Variants in RPSA2 observed in about 807,000 individuals in gnomAD.
RPSA2 encodes the protein small ribosomal subunit protein uS2B.
chr19:23,793,360 A>G, the RPSA2 span, among the ~76,000 whole-genome samples: 147,159 of 150,434 alleles, frequency 0.98, 72,069 homozygotes, highest in Middle Eastern at 1. Context: ...TTTTGGGGTT[A>G]TATCTTTTTT....
At chr19:23,854,744 C>T in the RPSA2 span, among the ~76,000 whole-genome samples, 1 of 152,192 alleles carries the variant, frequency 6.6e-6, no homozygotes, top group African/African-American at 2.4e-5. Flanking sequence ...GCAATTATAG[C>T]AGGCTCCAAG....
At chr19:23,778,590 A>G in the RPSA2 span, among the ~76,000 whole-genome samples, 1 of 152,006 alleles carries the variant, frequency 6.6e-6, no homozygotes, top group African/African-American at 2.4e-5. Flanking sequence ...AGATGTTATG[A>G]CTTTCCTCTC....
At chr19:23,786,417 C>T in the RPSA2 span, among the ~76,000 whole-genome samples, 1 of 152,124 alleles carries the variant, frequency 6.6e-6, no homozygotes, top group African/African-American at 2.4e-5. Context: ...ATCACTGGAT[C>T]CAGCACCTCG....
At chr19:23,813,044 A>T in the RPSA2 span, among the ~76,000 whole-genome samples, 2 of 152,022 alleles carry the variant, frequency 1.3e-5, no homozygotes, top group African/African-American at 2.4e-5. Context: ...GCCTGGGCAA[A>T]ATGTGGAGAC....
the RPSA2 span, among the ~76,000 whole-genome samples, chr19:23,864,179 C>A: frequency 6.6e-6 from 1 of 152,178 alleles, no homozygotes; most frequent in Non-Finnish European, 1.5e-5. Flanking sequence ...TGGCTTTGGG[C>A]ATGCAAAGAA....
chr19:23,821,933 C>T, the RPSA2 span, among the ~76,000 whole-genome samples: 22 of 152,180 alleles, frequency 1.4e-4, no homozygotes, highest in East Asian at 9.7e-4. Flanking sequence ...AGTTAATGTA[C>T]ACCTCGGTGG....
the RPSA2 span, among the ~76,000 whole-genome samples, chr19:23,838,468 T>C: frequency 6.6e-6 from 1 of 152,160 alleles, no homozygotes; most frequent in Non-Finnish European, 1.5e-5. Flanking sequence ...TAGGGAGAGT[T>C]CTTTATCTAG....
chr19:23,784,865 C>A, the RPSA2 span, among the ~76,000 whole-genome samples: 2 of 152,176 alleles, frequency 1.3e-5, no homozygotes, highest in African/African-American at 4.8e-5. Flanking sequence ...CACTGACGGT[C>A]TGCAGAAGAA....
the RPSA2 span, among the ~76,000 whole-genome samples, chr19:23,850,764 T>TGGCTTTCAGCTGC: frequency 2.2e-4 from 33 of 152,116 alleles, no homozygotes; most frequent in Admixed American, 2.0e-3. Context: ...GCCTGTATAA[T>TGGCTTTCAGCTGC]GGCTTTCAGC....
At chr19:23,839,716 C>A in the RPSA2 span, among the ~76,000 whole-genome samples, 2 of 152,184 alleles carry the variant, frequency 1.3e-5, no homozygotes, top group African/African-American at 4.8e-5. Context: ...CCTCCTCCCT[C>A]TCCCATGGAT....
At chr19:23,844,038 T>A in the RPSA2 span, among the ~76,000 whole-genome samples, 3 of 152,158 alleles carry the variant, frequency 2.0e-5, no homozygotes. Context: ...GAATTACAGG[T>A]GTGAACCACC....
chr19:23,830,051 G>GT, the RPSA2 span, among the ~76,000 whole-genome samples: 81,480 of 148,172 alleles, frequency 0.55, 22,848 homozygotes, highest in East Asian at 0.78. Flanking sequence ...ACTTTGGAAG[G>GT]TTTTTTTTTT....
chr19:23,806,289 C>T, the RPSA2 span, among the ~76,000 whole-genome samples: 2 of 151,834 alleles, frequency 1.3e-5, no homozygotes, highest in South Asian at 2.1e-4. Context: ...ATGATCCACC[C>T]GCCTCAGCCT....
At chr19:23,825,258 C>T in the RPSA2 span, among the ~76,000 whole-genome samples, 1 of 152,128 alleles carries the variant, frequency 6.6e-6, no homozygotes, top group South Asian at 2.1e-4. Flanking sequence ...ATAAGTTTTA[C>T]ATTCCATGTT....
the RPSA2 span, among the ~76,000 whole-genome samples, chr19:23,810,359 A>C: frequency 2.4e-5 from 3 of 124,724 alleles, no homozygotes; most frequent in African/African-American, 9.3e-5. Flanking sequence ...GTGCCACTGC[A>C]CTCCAGCCTG....
chr19:23,759,984 G>A, the RPSA2 span, among the ~76,000 whole-genome samples: 1 of 152,118 alleles, frequency 6.6e-6, no homozygotes, highest in South Asian at 2.1e-4. Flanking sequence ...TAGTTACAGA[G>A]GACGACAGTT....
At chr19:23,865,722 G>T in the RPSA2 span, among the ~76,000 whole-genome samples, 1 of 152,138 alleles carries the variant, frequency 6.6e-6, no homozygotes, top group Non-Finnish European at 1.5e-5. Context: ...GCATGCTGCT[G>T]CTATGGCAAG....
the RPSA2 span, among the ~76,000 whole-genome samples, chr19:23,796,532 A>C: frequency 6.6e-6 from 1 of 152,074 alleles, no homozygotes; most frequent in Non-Finnish European, 1.5e-5. Context: ...TTTCAGTAGA[A>C]ATAATACCAG....
At chr19:23,787,722 T>C in the RPSA2 span, among the ~76,000 whole-genome samples, 9 of 152,348 alleles carry the variant, frequency 5.9e-5, no homozygotes, top group South Asian at 1.9e-3. Context: ...AATCGTGACC[T>C]TTCACAGCAT....
Sources: allele counts gnomAD v4.1 joint callset (sites outside exome capture counted in the v4.1 genomes callset), GRCh38; gene constraint gnomAD v4.1.1; transcripts MANE v1.5; gene names NCBI Gene and HGNC (gene_info 2026-07-23, HGNC 2026-07-21).